Variants in ABLIM3 observed in about 807,000 individuals in gnomAD.
The protein encoded by ABLIM3 is actin-binding LIM protein 3.
In ABLIM3, 61 loss-of-function variants were observed where a neutral mutation model predicts 109.5. The ratio of observed to expected loss-of-function variants is 0.56; its 90% confidence interval spans 0.45 to 0.69. The LOEUF (loss-of-function observed/expected upper bound fraction) is 0.69, where lower values mean the gene tolerates loss of function less well. Among genes scored for constraint, ABLIM3 ranks in the 30% least tolerant of loss-of-function variants. The pLI, the probability that ABLIM3 is intolerant of heterozygous loss-of-function variation, is 0.00. For missense variants in ABLIM3, 796 were observed against 889.5 expected, an observed-to-expected ratio of 0.89 and a Z score of 1.34; for synonymous variants, 300 against 324.8, an observed-to-expected ratio of 0.92 and a Z score of 0.82.
At chr5:149,239,922 G>A in intron 13 of ABLIM3, 34 bp downstream of exon 13, 1 of 1,575,558 alleles carries the variant, frequency 6.3e-7, no homozygotes, top group East Asian at 2.4e-5. Flanking sequence ...GGGAGAGGAA[G>A]AGCCAGGGAG....
At chr5:149,142,760 C>T (rs1339277445) in intron 2 of ABLIM3, among the ~76,000 whole-genome samples, 2 of 152,260 alleles carry the variant, frequency 1.3e-5, no homozygotes, top group Non-Finnish European at 2.9e-5. Flanking sequence ...CAACTGCTTG[C>T]AGAGCCAGGA....
chr5:149,150,167 C>G (rs1478109146), intron 2 of ABLIM3, among the ~76,000 whole-genome samples: 1 of 152,100 alleles, frequency 6.6e-6, no homozygotes, highest in Non-Finnish European at 1.5e-5. Context: ...GGGAAGCAGG[C>G]AGAACGGATC....
At chr5:149,227,934 C>T (rs1340791177) in intron 8 of ABLIM3, among the ~76,000 whole-genome samples, 3 of 152,152 alleles carry the variant, frequency 2.0e-5, no homozygotes, top group Non-Finnish European at 4.4e-5. Flanking sequence ...TGAATCCTCT[C>T]CTCATAGAAT....
chr5:149,211,288 C>T (rs1328141331), intron 7 of ABLIM3, among the ~76,000 whole-genome samples: 2 of 152,076 alleles, frequency 1.3e-5, no homozygotes, highest in Admixed American at 6.6e-5. Context: ...ACCATGGCAA[C>T]GCCTCTCCCC....
intron 2 of ABLIM3, among the ~76,000 whole-genome samples, chr5:149,180,810 G>A (rs1406156967): frequency 6.6e-6 from 1 of 152,168 alleles, no homozygotes; most frequent in Non-Finnish European, 1.5e-5. Context: ...CACTACTGCA[G>A]CCCCAGAAAA....
chr5:149,206,205 G>A (rs757141616), intron 5 of ABLIM3, among the ~76,000 whole-genome samples: 3 of 152,182 alleles, frequency 2.0e-5, no homozygotes. Flanking sequence ...TGCTAGGCTT[G>A]TCCCACATTC....
At chr5:149,173,939 G>A (rs1476528714) in intron 2 of ABLIM3, among the ~76,000 whole-genome samples, 1 of 150,036 alleles carries the variant, frequency 6.7e-6, no homozygotes, top group Non-Finnish European at 1.5e-5. Flanking sequence ...GGAGAATGGC[G>A]TGAACCCGGG....
intron 9 of ABLIM3, 90 bp downstream of exon 9, chr5:149,230,797 C>T: frequency 6.9e-7 from 1 of 1,455,734 alleles, no homozygotes; most frequent in South Asian, 1.2e-5. Context: ...ACAGGGTCAG[C>T]ATTCCTTAGT....
chr5:149,253,648 A>G (rs976854407), intron 23 of ABLIM3, among the ~76,000 whole-genome samples: 1 of 152,208 alleles, frequency 6.6e-6, no homozygotes, highest in Non-Finnish European at 1.5e-5. Context: ...AGAGTTTGTG[A>G]TTGAGAGATG....
rs377256213 is a variant in ABLIM3, at chr5:149,246,539, T to G, written c.1544T>G (p.Met515Arg). ...GGEEDDFDRS[M>R]HKLQSGIGRL... is the part of the protein sequence containing the mutation. ...GAGGAGGATGATTTTGACCGCAGCA[T>G]GCACAAGGTGGGCAGAGACCACAGC... The change falls in exon 17 of 24, where the codon ATG (methionine) becomes AGG (arginine). Residue 515 changes from methionine to arginine, a missense_variant. Met to Arg is a moderately conservative substitution (Grantham distance 91, BLOSUM62 -1). Coordinates refer to ENST00000309868, the MANE Select transcript of ABLIM3 (RefSeq NM_014945.5). The G allele has an allele frequency of 7.4e-6, 12 of 1,613,982 alleles. No homozygotes were observed. The East Asian group carries it at 2.5e-4, about 33-fold the overall frequency.
At chr5:149,214,011 G>C (rs1192331815) in intron 7 of ABLIM3, among the ~76,000 whole-genome samples, 1 of 152,140 alleles carries the variant, frequency 6.6e-6, no homozygotes, top group Non-Finnish European at 1.5e-5. Context: ...TCAGCCACTT[G>C]GGGGTCTTTG....
intron 4 of ABLIM3, chr5:149,199,016 A>G (rs1346789913): frequency 8.8e-6 from 4 of 456,032 alleles, no homozygotes; most frequent in African/African-American, 2.0e-5. Context: ...TTTCATTATC[A>G]TGATGATAGT....
chr5:149,216,873 G>A, intron 7 of ABLIM3, 86 bp from the exon 8 acceptor site: 3 of 1,201,508 alleles, frequency 2.5e-6, no homozygotes, highest in Non-Finnish European at 3.7e-6. Context: ...CAACACTAAT[G>A]TACCCAGGAA....
At chr5:149,212,561 G>C (rs1407876681) in intron 7 of ABLIM3, among the ~76,000 whole-genome samples, 1 of 152,198 alleles carries the variant, frequency 6.6e-6, no homozygotes, top group Non-Finnish European at 1.5e-5. Context: ...AGTAGCAATG[G>C]AGAGGGAAGC....
chr5:149,196,339 G>A (rs1757973018), intron 3 of ABLIM3, among the ~76,000 whole-genome samples: 1 of 152,206 alleles, frequency 6.6e-6, no homozygotes. Context: ...GTATTTGCTG[G>A]GGTGTTTTCA....
At chr5:149,199,063 A>G (rs1758256841) in intron 4 of ABLIM3, 1 of 456,472 alleles carries the variant, frequency 2.2e-6, no homozygotes, top group South Asian at 1.5e-5. Context: ...AGGGATGGAG[A>G]GCTCATCCCT....
intron 2 of ABLIM3, among the ~76,000 whole-genome samples, chr5:149,174,038 A>G (rs1755703710): frequency 6.6e-6 from 1 of 150,882 alleles, no homozygotes; most frequent in African/African-American, 2.4e-5. Flanking sequence ...AAAAAAAAAA[A>G]AAAAAAAGAA....
At chr5:149,205,792 G>A (rs914271870) in intron 5 of ABLIM3, among the ~76,000 whole-genome samples, 36 of 152,278 alleles carry the variant, frequency 2.4e-4, no homozygotes, top group African/African-American at 7.5e-4. Context: ...AGAAAGGCAC[G>A]CAACAGCCAA....
intron 2 of ABLIM3, among the ~76,000 whole-genome samples, chr5:149,155,322 G>A (rs900982351): frequency 2.0e-5 from 3 of 152,238 alleles, no homozygotes; most frequent in East Asian, 1.9e-4. Flanking sequence ...AAATCTTCAC[G>A]CTGTGAGACA....
Sources: allele counts gnomAD v4.1 joint callset (sites outside exome capture counted in the v4.1 genomes callset), GRCh38; gene constraint gnomAD v4.1.1; transcripts MANE v1.5; gene names NCBI Gene and HGNC (gene_info 2026-07-23, HGNC 2026-07-21).